DNAH2: variants seen among roughly 807,000 people sequenced by gnomAD.
DNAH2 encodes the protein axonemal beta dynein heavy chain 2.
In DNAH2, 323 loss-of-function variants were observed where a neutral mutation model predicts 523.5. The observed-to-expected ratio is 0.62, with a 90% CI of 0.56 to 0.68. The LOEUF (loss-of-function observed/expected upper bound fraction) is 0.68. Ranked by LOEUF, DNAH2 falls within the 30% of genes least tolerant of loss-of-function variation. The pLI is 0.00. For missense variants in DNAH2, 4,907 were observed against 5,701.5 expected (o/e 0.86, Z 4.49); for synonymous variants, 2,093 against 2,177.4 (o/e 0.96, Z 1.08).
chr17:7,737,267 A>T lies in DNAH2; in HGVS notation c.1170+9A>T. ...CCTCGCTCTTCCGAAAGGTGTGCAT[A>T]TGCTGAGGGTGGGATGGAGGGGTTT... On this transcript the variant is annotated intron_variant, in intron 8 of 85. Transcript: ENST00000572933. 6.2e-7 allele frequency: 1 copy of T among 1,612,018 alleles called. No homozygotes were observed. The highest frequency in any genetic ancestry group is 1.3e-5 in the African/African-American group (1 of 75,024).
chr17:7,719,077 C>T (rs774041951), intron 1 of DNAH2, among the ~76,000 whole-genome samples: 2 of 150,334 alleles, frequency 1.3e-5, no homozygotes, highest in Admixed American at 1.3e-4. Context: ...TCTCATACCC[C>T]GGGGCAGAGA....
chr17:7,787,230 T>G, intron 42 of DNAH2, 197 bp downstream of exon 42: 1 of 694,864 alleles, frequency 1.4e-6, no homozygotes, highest in Non-Finnish European at 2.4e-6. Context: ...AGAACAATGA[T>G]AAGAAAAACA....
At chr17:7,734,813 C>A in intron 7 of DNAH2, 105 bp downstream of exon 7, 1 of 1,166,218 alleles carries the variant, frequency 8.6e-7, no homozygotes, top group Non-Finnish European at 1.2e-6. Context: ...TCTTCGATAG[C>A]ACAGACTGAC....
At chr17:7,785,811 C>T in intron 39 of DNAH2, among the ~76,000 whole-genome samples, 1 of 152,300 alleles carries the variant, frequency 6.6e-6, no homozygotes, top group African/African-American at 2.4e-5. Flanking sequence ...TAAATATTTG[C>T]TGAATAATAA....
Position 7,833,367 on chromosome 17 carries a change from C to T in DNAH2, c.13130-12C>T, listed in dbSNP as rs1351393182. The T allele has an allele frequency of 3.7e-6, 6 of 1,613,614 alleles. No homozygotes were observed. The highest frequency in any genetic ancestry group is 2.2e-5 in the South Asian group (2 of 91,052). On this transcript the variant is annotated splice_polypyrimidine_tract_variant and intron_variant, in intron 85 of 85. Transcript: ENST00000572933. The stretch of plus-strand genomic sequence containing the variant: ...GCTCCAGGGGTCTGACTTCTCCTCT[C>T]CTTTCCCCCAGGCATGTACTCCTGC...
intron 63 of DNAH2, among the ~76,000 whole-genome samples, chr17:7,811,943 C>A (rs1053276094): frequency 2.0e-5 from 3 of 152,144 alleles, no homozygotes; most frequent in Non-Finnish European, 2.9e-5. Flanking sequence ...CTCTCGTGAG[C>A]ATTATTTGAG....
chr17:7,788,272 G>A (rs1448708002), intron 44 of DNAH2, 28 bp downstream of exon 44: 1 of 1,535,046 alleles, frequency 6.5e-7, no homozygotes, highest in East Asian at 2.4e-5. Context: ...ACCACGGGCA[G>A]GGGCAGGGGG....
rs760321713 is a variant in DNAH2, at chr17:7,831,769, G to C, written c.12720G>C (p.Trp4240Cys). 1.2e-6 allele frequency: 2 copies of C among 1,613,312 alleles called. No homozygotes were observed. Among genetic ancestry groups the C allele is most frequent in the Non-Finnish European group, 1.7e-6 (2 of 1,179,470 alleles). The change falls in exon 82 of 86, where the codon TGG becomes TGC. Residue 4240 changes from tryptophan to cysteine, a missense_variant. Trp to Cys is a radical substitution (Grantham distance 215, BLOSUM62 -2). Transcript: ENST00000572933. The surrounding 1 kb of genome is among the most constrained non-coding windows in gnomAD (Gnocchi z 4.2). ...TTGATGCCCATGTTCCTCCGCTCTG[G>C]GGAAAGGCAAGATTATACCATTGTT... The part of the protein sequence containing the change: ...CIFDAHVPPL[W>C]GKAYPSQKPL...
intron 12 of DNAH2, among the ~76,000 whole-genome samples, chr17:7,747,772 G>A (rs566029165): frequency 6.9e-4 from 105 of 152,206 alleles, no homozygotes; most frequent in African/African-American, 2.4e-3. Context: ...AGATGTTATA[G>A]GATACTTTAC....
Position 7,797,415 on chromosome 17 carries a change from G to A in DNAH2, c.7965G>A (p.Arg2655=). 6.2e-7 allele frequency: 1 copy of A among 1,614,108 alleles called. No individual in the cohort carries two copies. The highest frequency in any genetic ancestry group is 8.5e-7 in the Non-Finnish European group (1 of 1,180,040). The change falls in exon 52 of 86, where the codon CGG becomes CGA. Residue 2655 remains arginine (R), a synonymous_variant. Transcript: ENST00000572933. Reference sequence around the variant, plus strand: ...CTGCCCACAGAGTCTTCTCTGACCGGCTGGTTGATGCGGCAGACACAGAAG... The same window carrying A: ...CTGCCCACAGAGTCTTCTCTGACCGACTGGTTGATGCGGCAGACACAGAAG... ...IHECFRVFSD[R]LVDAADTEAF...
rs1377924641 is a variant in DNAH2 at position 7,780,081 on chromosome 17, G to C, written c.5723-76G>C. On this transcript the variant is annotated intron_variant, in intron 36 of 85. Coordinates refer to ENST00000572933, the MANE Select transcript of DNAH2 (RefSeq NM_020877.5). This position sits in a 1 kb window ranked among gnomAD's most constrained non-coding sequence, Gnocchi z 4.4. ...AGTTAGGGTGGGAGAAAATGAGACT[G>C]ATTGGAAAGTGGGTTTGGGGAAGCA... The C allele has an allele frequency of 7.1e-6, 11 of 1,553,364 alleles. No homozygotes were observed. The highest frequency in any genetic ancestry group is 9.6e-6 in the Non-Finnish European group (11 of 1,147,400).
rs1310204530 is a variant in DNAH2, at chr17:7,777,607, C to T, written c.5220C>T (p.Leu1740=). Residue 1740 remains leucine (L), a synonymous_variant, in exon 33 of 86, where the codon CTC becomes CTT. Coordinates refer to ENST00000572933, the MANE Select transcript of DNAH2 (RefSeq NM_020877.5). ...GLMDVNSFDW[L]SQLRFYWEKD... is the part of the protein sequence containing the mutation. Reference sequence around the variant, plus strand: ...TGGATGTCAATTCCTTTGACTGGCTCAGCCAACTTCGGTTCTACTGGGAGA... The same window carrying T: ...TGGATGTCAATTCCTTTGACTGGCTTAGCCAACTTCGGTTCTACTGGGAGA... 6.2e-7 allele frequency: 1 copy of T among 1,614,188 alleles called. No homozygotes were observed. Among genetic ancestry groups the T allele is most frequent in the African/African-American group, 1.3e-5 (1 of 75,032 alleles).
At chr17:7,744,616 G>A (rs2075461247) in intron 12 of DNAH2, among the ~76,000 whole-genome samples, 1 of 152,168 alleles carries the variant, frequency 6.6e-6, no homozygotes, top group Non-Finnish European at 1.5e-5. Flanking sequence ...AGGTCGAGAG[G>A]TTTGAGAAAA....
At position 7,734,672 on chromosome 17, in the gene DNAH2, C is replaced by G; in HGVS notation, c.942C>G (p.Tyr314Ter). 1 of 1,612,898 alleles carries G rather than the reference C, an allele frequency of 6.2e-7. No homozygotes were observed. Among genetic ancestry groups the G allele is most frequent in the Non-Finnish European group, 8.5e-7 (1 of 1,179,888 alleles). ...ESILHLAKSS[Y>*]LAPFMKLAQQ... ...TCCTGCACCTTGCCAAGTCGTCCTA[C>G]TTGGCGCCCTTTATGAAACTGGCAC... The change falls in exon 7 of 86, where the codon TAC becomes TAG. Residue 314 changes from tyrosine to a stop codon, truncating the protein, a stop_gained. Transcript: ENST00000572933. LOFTEE classifies it high-confidence loss of function.
Position 7,804,860 on chromosome 17 carries a change from A to G in DNAH2, c.9184-98A>G, listed in dbSNP as rs1442724014. On this transcript the variant is annotated intron_variant, in intron 59 of 85. Transcript: ENST00000572933. ...GACTCCATCTCAAAAAAAAAAAAAAATTCTTTAGCTTTCTCTTTCATCTTT... is the reference window on the plus strand; with the variant it reads ...GACTCCATCTCAAAAAAAAAAAAAAGTTCTTTAGCTTTCTCTTTCATCTTT... 4.4e-6 allele frequency: 5 copies of G among 1,130,234 alleles called. No homozygotes were observed. The African/African-American group carries it at 7.9e-5, about 18-fold the overall frequency. 70.0% of individuals were successfully genotyped at this position (1,130,234 alleles called of 1,614,324 possible).
chr17:7,734,776 C>A, intron 7 of DNAH2, 68 bp downstream of exon 7: 1 of 1,526,654 alleles, frequency 6.6e-7, no homozygotes, highest in Admixed American at 1.7e-5. Context: ...ATACAGGGAG[C>A]TAAGTAAGGA....
At chr17:7,794,486 G>A (rs1184093815) in intron 49 of DNAH2, 128 bp downstream of exon 49, 1 of 751,492 alleles carries the variant, frequency 1.3e-6, no homozygotes, top group African/African-American at 1.8e-5. Context: ...AGGACGCTGG[G>A]ACGATCCGTA....
intron 8 of DNAH2, 23 bp downstream of exon 8, chr17:7,737,281 A>C: frequency 6.2e-7 from 1 of 1,607,622 alleles, no homozygotes; most frequent in South Asian, 1.1e-5. Flanking sequence ...TGAGGGTGGG[A>C]TGGAGGGGTT....
intron 12 of DNAH2, among the ~76,000 whole-genome samples, chr17:7,749,306 CCCAAAAAAAAAAAAAAAAAAAAAAAAAA>C (rs2075608687): frequency 8.6e-4 from 3 of 3,504 alleles, no homozygotes; most frequent in Non-Finnish European, 1.3e-3. Flanking sequence ...TAAACTCCCC[CCCAAAAAAAAAAAAAAAAAAAAAAAAAA>C]AAAAAAAAAA....
Sources: allele counts gnomAD v4.1 joint callset (sites outside exome capture counted in the v4.1 genomes callset), GRCh38; gene constraint gnomAD v4.1.1; non-coding constraint Gnocchi (gnomAD v3.1); transcripts MANE v1.5; gene names NCBI Gene and HGNC (gene_info 2026-07-23, HGNC 2026-07-21).